Variants in IL6ST observed in about 807,000 individuals in gnomAD.
IL6ST encodes interleukin-6 receptor subunit beta.
A neutral mutation model predicts 91.3 loss-of-function variants in IL6ST; 24 were observed. The ratio of observed to expected loss-of-function variants is 0.26; its 90% CI spans 0.19 to 0.37. The LOEUF is 0.37. Among genes scored for constraint, IL6ST ranks in the 10% least tolerant of loss-of-function variants. The probability of loss-of-function intolerance (pLI) is 1.00; values close to 1 mark genes in which losing one functional copy is unlikely to be tolerated. For synonymous variants in IL6ST, 351 were observed against 373.6 expected, an observed-to-expected ratio of 0.94 and a Z score of 0.70; for missense variants, 914 against 1,078.5, an observed-to-expected ratio of 0.85 and a Z score of 2.14.
chr5:55,981,914 G>A (rs1485472650), intron 2 of IL6ST, among the ~76,000 whole-genome samples: 2 of 152,166 alleles, frequency 1.3e-5, no homozygotes, highest in Admixed American at 1.3e-4. Context: ...ACCAAAAGCT[G>A]TAATCATTCC....
intron 14 of IL6ST, among the ~76,000 whole-genome samples, chr5:55,948,537 C>CAT (rs374790595): frequency 0.037 from 5,520 of 147,454 alleles, 292 homozygotes; most frequent in African/African-American, 0.12. Context: ...TGCTAAGCAT[C>CAT]ATATATATAT....
intron 1 of IL6ST, among the ~76,000 whole-genome samples, chr5:55,986,789 T>C (rs1164977197): frequency 6.6e-6 from 1 of 152,212 alleles, no homozygotes; most frequent in Admixed American, 6.5e-5. Context: ...TAATATTATG[T>C]CACCTCAGGC....
At position 55,950,082 on chromosome 5, in the gene IL6ST, T is replaced by G. The variant is rs575293216; in HGVS notation, c.1840+1382A>C. 1.5e-5 allele frequency: 6 copies of G among 396,390 alleles called. No individual in the cohort carries two copies. In the Middle Eastern group the frequency reaches 2.2e-3, roughly 148 times the overall value. The allele number at this position is 396,390 out of a possible 1,614,324, so 24.6% of individuals were successfully genotyped here. A position where few individuals can be genotyped will look rare whatever the true frequency, so the allele number is the denominator to read the frequency against. ...AAAGGGTACGCACAATCAACAGGAC[T>G]TGACACTCAGCTTATGTGAGAGAAA... On this transcript the variant is annotated intron_variant, in intron 14 of 16. Coordinates refer to ENST00000381298, the MANE Select transcript of IL6ST (RefSeq NM_002184.4).
intron 5 of IL6ST, among the ~76,000 whole-genome samples, chr5:55,965,324 T>C (rs924062237): frequency 6.6e-6 from 1 of 152,202 alleles, no homozygotes; most frequent in Non-Finnish European, 1.5e-5. Flanking sequence ...TTGTCAACTA[T>C]GTTTTTCAGT....
rs536255066 is a variant in IL6ST, at chr5:55,938,728, T to C, written c.*2354A>G. ...ACACATAGATTATTCTAAGACATGC[T>C]TGGGAAAGTAATTTTGAATGTAAAA... On this transcript the variant is annotated 3_prime_UTR_variant, in exon 17 of 17. Transcript: ENST00000381298. 3.5e-5 allele frequency: 7 copies of C among 201,256 alleles called. No individual in the cohort carries two copies. In the Admixed American group the frequency reaches 4.2e-4, roughly 12 times the overall value. 12.5% of individuals were successfully genotyped at this position (201,256 alleles called of 1,614,324 possible). A position where few individuals can be genotyped will look rare whatever the true frequency, so the allele number is the denominator to read the frequency against.
At chr5:55,954,435 T>C (rs1427822068) in intron 11 of IL6ST, among the ~76,000 whole-genome samples, 2 of 152,192 alleles carry the variant, frequency 1.3e-5, no homozygotes, top group African/African-American at 4.8e-5. Flanking sequence ...TTCTAAGACA[T>C]TACACAAGTC....
At position 55,963,438 on chromosome 5, in the gene IL6ST, T is replaced by C. The variant is rs1185653421; in HGVS notation, c.727A>G (p.Thr243Ala). Residue 243 changes from threonine (T) to alanine (A), a missense_variant, in exon 7 of 17, where the codon ACA becomes GCA. Thr to Ala is a moderately conservative substitution (Grantham distance 58). Transcript: ENST00000381298. The part of the protein sequence containing the change: ...SEELSSILKL[T>A]WTNPSIKSVI... ...CTCTTAATACTTGGGTTGGTCCATG[T>C]CAATTTTAAGATACTAGACAGTTCC... The C allele has an allele frequency of 6.2e-7, 1 of 1,607,510 alleles. No individual in the cohort carries two copies. Among genetic ancestry groups the C allele is most frequent in the Non-Finnish European group, 8.5e-7 (1 of 1,174,366 alleles).
intron 14 of IL6ST, among the ~76,000 whole-genome samples, chr5:55,948,210 T>C (rs11574780): frequency 0.027 from 4,080 of 152,250 alleles, 81 homozygotes; most frequent in Non-Finnish European, 0.041. Context: ...TAAACAAGCC[T>C]AAGATCCCTA....
intron 1 of IL6ST, among the ~76,000 whole-genome samples, chr5:55,984,379 G>A (rs770803399): frequency 3.9e-5 from 6 of 152,118 alleles, no homozygotes; most frequent in Non-Finnish European, 8.8e-5. Flanking sequence ...GTTACTCTAT[G>A]GGCAGATTTA....
chr5:55,959,722 G>T, intron 8 of IL6ST: 1 of 928,724 alleles, frequency 1.1e-6, no homozygotes, highest in Non-Finnish European at 1.5e-6. Flanking sequence ...ATTTTTGATA[G>T]TGGGGATCTA....
At chr5:55,972,027 C>T (rs1043245990) in intron 3 of IL6ST, among the ~76,000 whole-genome samples, 17 of 152,172 alleles carry the variant, frequency 1.1e-4, no homozygotes, top group Non-Finnish European at 2.5e-4. Flanking sequence ...TACTAAGTTA[C>T]TCTCTGATAC....
chr5:55,942,584 C>T lies in IL6ST; in HGVS notation c.2019+86G>A, dbSNP rs962173987. 6.0e-6 allele frequency: 4 copies of T among 661,288 alleles called. No homozygotes were observed. The African/African-American group carries it at 7.4e-5, about 12-fold the overall frequency. The allele number at this position is 661,288 out of a possible 1,614,324, so 41.0% of individuals were successfully genotyped here. ...TTATCTTTTGGTACATTTGTAGATA[C>T]TCAATATACCTACTAACTGTAGATA... is the stretch of plus-strand genomic sequence containing the variant. On this transcript the variant is annotated intron_variant, in intron 16 of 16. Coordinates refer to ENST00000381298, the MANE Select transcript of IL6ST (RefSeq NM_002184.4).
chr5:55,973,647 T>C (rs945462954), intron 3 of IL6ST, among the ~76,000 whole-genome samples: 13 of 152,178 alleles, frequency 8.5e-5, no homozygotes, highest in African/African-American at 2.9e-4. Context: ...CCCCAGACAT[T>C]GTACAGCAAA....
intron 14 of IL6ST, among the ~76,000 whole-genome samples, chr5:55,947,862 C>T (rs1231435497): frequency 5.9e-5 from 9 of 152,044 alleles, no homozygotes; most frequent in Non-Finnish European, 1.2e-4. Context: ...ATCAGTGTAT[C>T]GGGTAATCTA....
chr5:55,991,994 C>A (rs577133562), intron 1 of IL6ST, among the ~76,000 whole-genome samples: 3 of 152,308 alleles, frequency 2.0e-5, no homozygotes, highest in East Asian at 3.9e-4. Context: ...ACTCAGCAAA[C>A]CACTAGACTT....
chr5:55,936,630 A>ACT lies in IL6ST; in HGVS notation c.*4451_*4452insAG. 2 of 196,520 alleles carry ACT rather than the reference A, an allele frequency of 1.0e-5. No homozygotes were observed. The highest frequency in any genetic ancestry group is 2.1e-5 in the Non-Finnish European group (2 of 94,624). 12.2% of individuals were successfully genotyped at this position (196,520 alleles called of 1,614,324 possible). A position where few individuals can be genotyped will look rare whatever the true frequency, so the allele number is the denominator to read the frequency against. ...CAAATATGCATAGTCAGATGATAGT[A>ACT]ACCACATACAGAAAAAAAATTTGAA... is the stretch of plus-strand genomic sequence containing the variant. On this transcript the variant is annotated 3_prime_UTR_variant, in exon 17 of 17. Coordinates refer to ENST00000381298, the MANE Select transcript of IL6ST (RefSeq NM_002184.4).
intron 11 of IL6ST, 53 bp from the exon 12 acceptor site, chr5:55,952,404 T>C: frequency 1.0e-6 from 1 of 975,626 alleles, no homozygotes; most frequent in Non-Finnish European, 1.6e-6. Context: ...AAAAGTCAAG[T>C]TAATACCGTA....
In IL6ST at chr5:55,941,436, A is replaced by C. The variant is rs762105158; in HGVS notation, c.2403T>G (p.His801Gln). The change falls in exon 17 of 17, where the codon CAT becomes CAG. Residue 801 changes from histidine to glutamine, a missense_variant. Transcript: ENST00000381298. ...GCAAAATACCATCACCGCCATCTAC[A>C]TGATCTACTAATTGTAGATCTTCTG... ...ERPEDLQLVD[H>Q]VDGGDGILPR... 8.1e-5 allele frequency: 131 copies of C among 1,614,074 alleles called. No homozygotes were observed. The highest frequency in any genetic ancestry group is 1.0e-4 in the Non-Finnish European group (122 of 1,180,020).
chr5:55,956,441 A>T (rs1751979067), intron 9 of IL6ST, among the ~76,000 whole-genome samples: 1 of 152,216 alleles, frequency 6.6e-6, no homozygotes, highest in Non-Finnish European at 1.5e-5. Context: ...CAACTAAAAA[A>T]GGGTAAGTAG....
Sources: gnomAD v4.1 joint callset for allele counts (sites outside exome capture counted in the v4.1 genomes callset) on GRCh38, gnomAD v4.1.1 for gene constraint, MANE v1.5 for transcripts, NCBI Gene and HGNC (gene_info 2026-07-23, HGNC 2026-07-21) for gene names.